The following SLC27A6 variants were observed in gnomAD, a reference collection of about 807,000 sequenced individuals.
The protein encoded by SLC27A6 is solute carrier family 27 member 6, also known as long-chain fatty acid transport protein 6.
In SLC27A6, 74 loss-of-function variants were observed where a neutral mutation model predicts 63.9. The ratio of observed to expected loss-of-function variants is 1.16; its 90% CI spans 0.96 to 1.40. The LOEUF (loss-of-function observed/expected upper bound fraction) is 1.40, where lower values mean the gene tolerates loss of function less well. Among genes scored for constraint, SLC27A6 ranks in the 40% most tolerant of loss-of-function variants. SLC27A6 has a pLI of 0.00. For missense variants in SLC27A6, 794 were observed against 732.9 expected, an observed-to-expected ratio of 1.08 and a Z score of -0.96; for synonymous variants, 287 against 260.8, an observed-to-expected ratio of 1.10 and a Z score of -0.97.
intron 5 of SLC27A6, 91 bp downstream of exon 5, chr5:129,016,170 A>C (rs1751885311): frequency 1.2e-6 from 1 of 862,846 alleles, no homozygotes; most frequent in South Asian, 1.9e-5. Flanking sequence ...AGGTGGGCAG[A>C]TCATGAGGTC....
chr5:128,988,897 T>TA (rs1017303188), intron 3 of SLC27A6, 139 bp downstream of exon 3: 21 of 613,062 alleles, frequency 3.4e-5, no homozygotes, highest in East Asian at 1.5e-4. Flanking sequence ...ATATTTATTT[T>TA]AAAAAAACTA....
chr5:129,004,463 CT>C (rs1404694083), intron 4 of SLC27A6, among the ~76,000 whole-genome samples: 2 of 152,128 alleles, frequency 1.3e-5, no homozygotes, highest in Non-Finnish European at 2.9e-5. Flanking sequence ...CTTTCACGCT[CT>C]CTCTGTCTCT....
At chr5:128,968,492 T>G (rs1320088722) in intron 1 of SLC27A6, among the ~76,000 whole-genome samples, 1 of 152,188 alleles carries the variant, frequency 6.6e-6, no homozygotes, top group Non-Finnish European at 1.5e-5. Context: ...TGGTTTTGAT[T>G]TGCATTTCTC....
At chr5:128,977,162 T>C (rs1357462392) in intron 1 of SLC27A6, among the ~76,000 whole-genome samples, 2 of 152,248 alleles carry the variant, frequency 1.3e-5, no homozygotes, top group Non-Finnish European at 2.9e-5. Context: ...ATGTGTATCA[T>C]AGTTTTTATT....
chr5:129,008,099 T>G (rs1751606401), intron 4 of SLC27A6, among the ~76,000 whole-genome samples: 1 of 151,826 alleles, frequency 6.6e-6, no homozygotes, highest in African/African-American at 2.4e-5. Flanking sequence ...CTAAATGTTG[T>G]ATGATATGAT....
In SLC27A6 at chr5:128,970,666, T is replaced by C. The variant is rs893130551; in HGVS notation, c.481+4048T>C. ...TTCTCTCTTTTCTTCTTTATTAGTCTTGCTAGCAGTCTACCAATTTTGTTG... is the reference window on the plus strand; with the variant it reads ...TTCTCTCTTTTCTTCTTTATTAGTCCTGCTAGCAGTCTACCAATTTTGTTG... On this transcript the variant is annotated intron_variant, in intron 1 of 9. Transcript: ENST00000262462. Among the ~76,000 whole-genome samples, 13 of 152,262 alleles carry C rather than the reference T, an allele frequency of 8.5e-5. 1 individual carries two copies. The highest frequency in any genetic ancestry group is 3.1e-4 in the African/African-American group (13 of 41,562).
chr5:129,010,274 G>T (rs1751686344), intron 4 of SLC27A6, among the ~76,000 whole-genome samples: 1 of 152,068 alleles, frequency 6.6e-6, no homozygotes, highest in South Asian at 2.1e-4. Flanking sequence ...TCACTTTAGA[G>T]TTATGGTAGG....
chr5:128,996,035 T>A (rs201193379), intron 4 of SLC27A6, among the ~76,000 whole-genome samples: 1 of 151,932 alleles, frequency 6.6e-6, no homozygotes, highest in African/African-American at 2.4e-5. Context: ...TTAATTTTTT[T>A]GATCTGTTAA....
In SLC27A6 at chr5:129,028,337, TC is replaced by T; in HGVS notation, c.1455-7del. The stretch of plus-strand genomic sequence containing the variant: ...TGCACTAACTGGAATTTGATTTTTT[TC>T]ATTTAGATGGAAAGGAGAAAATGTC... On this transcript the variant is annotated splice_region_variant and splice_polypyrimidine_tract_variant and intron_variant, in intron 7 of 9. Coordinates refer to ENST00000262462, the MANE Select transcript of SLC27A6 (RefSeq NM_001017372.3). 1 of 1,591,634 alleles carries T rather than the reference TC, an allele frequency of 6.3e-7. No individual in the cohort carries two copies. The highest frequency in any genetic ancestry group is 8.6e-7 in the Non-Finnish European group (1 of 1,161,262).
Position 129,029,606 on chromosome 5 carries a change from A to C in SLC27A6, c.1582A>C (p.Ile528Leu), listed in dbSNP as rs778742697. The change falls in exon 9 of 10, where the codon ATT (isoleucine) becomes CTT (leucine). Residue 528 changes from isoleucine to leucine, a missense_variant. Ile to Leu is a conservative substitution (Grantham distance 5). Transcript: ENST00000262462. The stretch of plus-strand genomic sequence containing the variant: ...TGAAGGAAGAGCAGGAATGGCTTCT[A>C]TTATTTTAAAACCAAATACATCTTT... Reference protein sequence around the residue: ...GYEGRAGMASIILKPNTSLDL... With the variant: ...GYEGRAGMASLILKPNTSLDL... 1.3e-6 allele frequency: 2 copies of C among 1,588,224 alleles called. No individual in the cohort carries two copies. The highest frequency in any genetic ancestry group is 1.4e-5 in the African/African-American group (1 of 73,090).
intron 6 of SLC27A6, among the ~76,000 whole-genome samples, chr5:129,025,674 G>A (rs1228950901): frequency 6.6e-6 from 1 of 152,128 alleles, no homozygotes; most frequent in Non-Finnish European, 1.5e-5. Context: ...TGATGGTGAT[G>A]ATGATGATAT....
At chr5:128,978,676 C>T (rs1471392412) in intron 1 of SLC27A6, among the ~76,000 whole-genome samples, 6 of 151,990 alleles carry the variant, frequency 3.9e-5, no homozygotes, top group Admixed American at 3.9e-4. Context: ...CTAAAATGTA[C>T]CAAAACAATG....
At chr5:129,003,967 CAAAA>C (rs779667758) in intron 4 of SLC27A6, among the ~76,000 whole-genome samples, 2 of 69,420 alleles carry the variant, frequency 2.9e-5, no homozygotes, top group Non-Finnish European at 2.8e-5. Context: ...GACCCTGTCT[CAAAA>C]AAAAAAAAAA....
chr5:128,977,838 A>C (rs1173269054), intron 1 of SLC27A6, among the ~76,000 whole-genome samples: 1 of 152,222 alleles, frequency 6.6e-6, no homozygotes, highest in East Asian at 1.9e-4. Flanking sequence ...ATGCCAAAGG[A>C]TATAGAGATA....
chr5:128,977,961 G>A (rs1750447371), intron 1 of SLC27A6, among the ~76,000 whole-genome samples: 1 of 152,110 alleles, frequency 6.6e-6, no homozygotes, highest in Non-Finnish European at 1.5e-5. Context: ...GATAATATTA[G>A]CAATATCAGA....
chr5:129,023,826 C>T (rs1752153052), intron 6 of SLC27A6, 116 bp downstream of exon 6: 2 of 687,968 alleles, frequency 2.9e-6, no homozygotes, highest in Non-Finnish European at 5.1e-6. Flanking sequence ...CACCAAAATT[C>T]ATGGATGTTT....
intron 1 of SLC27A6, among the ~76,000 whole-genome samples, chr5:128,977,841 T>G (rs1007926645): frequency 6.6e-6 from 1 of 152,176 alleles, no homozygotes; most frequent in East Asian, 1.9e-4. Flanking sequence ...CCAAAGGATA[T>G]AGAGATAATA....
chr5:128,969,941 A>G (rs544040405), intron 1 of SLC27A6, among the ~76,000 whole-genome samples: 3 of 152,162 alleles, frequency 2.0e-5, no homozygotes, highest in Non-Finnish European at 4.4e-5. Flanking sequence ...ACATCCCATC[A>G]ATACCTAGTT....
chr5:128,993,053 T>C (rs1307614513), intron 4 of SLC27A6, among the ~76,000 whole-genome samples: 1 of 152,232 alleles, frequency 6.6e-6, no homozygotes, highest in Non-Finnish European at 1.5e-5. Flanking sequence ...TTTTCAGAAG[T>C]GAATGTAAAT....
Sources: gnomAD v4.1 joint callset for allele counts (sites outside exome capture counted in the v4.1 genomes callset) on GRCh38, gnomAD v4.1.1 for gene constraint, MANE v1.5 for transcripts, NCBI Gene and HGNC (gene_info 2026-07-23, HGNC 2026-07-21) for gene names.